UACA: variants seen among roughly 807,000 people sequenced by gnomAD.
UACA encodes nuclear membrane binding protein.
A neutral mutation model predicts 160.5 loss-of-function variants in UACA; 112 were observed. That is an observed-to-expected ratio of 0.70 (90% CI 0.60 to 0.82). The LOEUF is 0.82. Among genes scored for constraint, UACA ranks in the 40% least tolerant of loss-of-function variants. UACA has a pLI of 0.00. For missense variants in UACA, 1,574 were observed against 1,614.6 expected (o/e 0.97, Z 0.43); for synonymous variants, 557 against 568.4 (o/e 0.98, Z 0.29).
chr15:70,745,738 A>G (rs999844522), intron 1 of UACA, among the ~76,000 whole-genome samples: 3 of 152,242 alleles, frequency 2.0e-5, no homozygotes, highest in African/African-American at 7.2e-5. Flanking sequence ...TAACCAAAAT[A>G]GCACGGTACT....
At chr15:70,679,285 C>T (rs1199111183) in intron 10 of UACA, among the ~76,000 whole-genome samples, 1 of 151,938 alleles carries the variant, frequency 6.6e-6, no homozygotes, top group Non-Finnish European at 1.5e-5. Context: ...TGCCTGTAAT[C>T]CCAGCTACTA....
intron 1 of UACA, among the ~76,000 whole-genome samples, chr15:70,742,839 A>G (rs1017852158): frequency 6.6e-6 from 1 of 152,088 alleles, no homozygotes; most frequent in Admixed American, 6.6e-5. Context: ...TCAATTTTCT[A>G]TTGCCATATA....
chr15:70,766,938 G>T (rs2031022309), upstream of UACA, among the ~76,000 whole-genome samples: 1 of 152,156 alleles, frequency 6.6e-6, no homozygotes, highest in Non-Finnish European at 1.5e-5. Flanking sequence ...CTCAGAAGAA[G>T]AATAAAGAAT....
intron 13 of UACA, 116 bp from the exon 14 acceptor site, chr15:70,672,117 T>G: frequency 1.2e-6 from 1 of 828,694 alleles, no homozygotes; most frequent in Non-Finnish European, 1.8e-6. Context: ...GACATTCTTG[T>G]TTCTCCAGAG....
At chr15:70,776,820 G>A in the UACA span, among the ~76,000 whole-genome samples, 1 of 152,104 alleles carries the variant, frequency 6.6e-6, no homozygotes, top group African/African-American at 2.4e-5. Context: ...CATAGCACTG[G>A]CATACATATC....
At position 70,755,592 on chromosome 15, in the gene UACA, C is replaced by A. The variant is rs992507113; in HGVS notation, c.78+7738G>T. ...GGCTGAGGCAAGAGAATCTCTTGAA[C>A]CCGAGAGGCAGAGGTTGCAGTGGGC... is the stretch of plus-strand genomic sequence containing the variant. On this transcript the variant is annotated intron_variant, in intron 1 of 18. Transcript: ENST00000322954. Among the ~76,000 whole-genome samples, 6 of 151,776 alleles carry A rather than the reference C, an allele frequency of 4.0e-5. No individual in the cohort carries two copies. The East Asian group carries it at 9.7e-4, about 24-fold the overall frequency.
At chr15:70,739,237 C>T (rs555458478) in intron 1 of UACA, among the ~76,000 whole-genome samples, 1 of 152,204 alleles carries the variant, frequency 6.6e-6, no homozygotes, top group South Asian at 2.1e-4. Flanking sequence ...TCCTATAAGG[C>T]AGGGTTTCTC....
upstream of UACA, among the ~76,000 whole-genome samples, chr15:70,765,475 A>T (rs1451814138): frequency 6.6e-6 from 1 of 152,162 alleles, no homozygotes; most frequent in Middle Eastern, 3.2e-3. Flanking sequence ...AAGTAACTGG[A>T]AGTGATCTCT....
chr15:70,748,217 C>A (rs1447168025), intron 1 of UACA, among the ~76,000 whole-genome samples: 1 of 152,066 alleles, frequency 6.6e-6, no homozygotes, highest in East Asian at 1.9e-4. Flanking sequence ...AATTTCAATT[C>A]TTAGCTGTAA....
intron 1 of UACA, among the ~76,000 whole-genome samples, chr15:70,723,361 G>A (rs746098120): frequency 6.6e-6 from 1 of 152,126 alleles, no homozygotes; most frequent in Non-Finnish European, 1.5e-5. Context: ...GGTACACATC[G>A]GTAGTCCCAG....
At chr15:70,752,196 C>T (rs759982878) in intron 1 of UACA, among the ~76,000 whole-genome samples, 3 of 149,356 alleles carry the variant, frequency 2.0e-5, no homozygotes, top group African/African-American at 2.5e-5. Flanking sequence ...CAAGATCACG[C>T]CATTGCACTC....
the UACA span, among the ~76,000 whole-genome samples, chr15:70,773,925 A>G: frequency 2.0e-5 from 3 of 152,214 alleles, no homozygotes; most frequent in Non-Finnish European, 4.4e-5. Context: ...ATTAGCTTGT[A>G]CAGGGACTGC....
chr15:70,776,468 C>G, the UACA span, among the ~76,000 whole-genome samples: 33 of 149,758 alleles, frequency 2.2e-4, no homozygotes, highest in African/African-American at 7.7e-4. Flanking sequence ...CACTCTGTCA[C>G]CCAGGCTGGA....
chr15:70,689,518 G>A (rs1897850346), intron 5 of UACA, among the ~76,000 whole-genome samples: 1 of 151,892 alleles, frequency 6.6e-6, no homozygotes, highest in South Asian at 2.1e-4. Flanking sequence ...CATTGTGTGA[G>A]AAATTATCAT....
At chr15:70,768,264 A>ATC, upstream of UACA, 1 of 152,236 alleles carries the variant, frequency 6.6e-6, no homozygotes, top group South Asian at 2.1e-4. Context: ...TTTACCACTT[A>ATC]TCTTCCAAAG....
the UACA span, among the ~76,000 whole-genome samples, chr15:70,776,762 T>C: frequency 0.013 from 1,921 of 151,794 alleles, 42 homozygotes; most frequent in African/African-American, 0.045. Context: ...CTTTGACCTA[T>C]TCTGCCTTCC....
Position 70,669,304 on chromosome 15 carries a change from T to G in UACA, c.1380A>C (p.Arg460=). ...RTFCESAKQD[R]LKLQNELAHK... ...GTGCCAGTTCATTTTGGAGCTTCAG[T>G]CGGTCTTGTTTTGCTGACTCACAGA... Residue 460 remains arginine, a synonymous_variant, in exon 16 of 19, where the codon CGA becomes CGC. Transcript: ENST00000322954. The G allele has an allele frequency of 6.2e-7, 1 of 1,614,080 alleles. No homozygotes were observed.
intron 18 of UACA, among the ~76,000 whole-genome samples, chr15:70,657,817 C>A (rs1343322191): frequency 2.6e-5 from 4 of 151,826 alleles, no homozygotes; most frequent in African/African-American, 9.7e-5. Context: ...CATGGTGGCT[C>A]ACACCTGCAA....
At position 70,660,170 on chromosome 15, in the gene UACA, T is replaced by C; in HGVS notation, c.4160A>G (p.His1387Arg). The C allele has an allele frequency of 6.2e-7, 1 of 1,613,628 alleles. No homozygotes were observed. Among genetic ancestry groups the C allele is most frequent in the Non-Finnish European group, 8.5e-7 (1 of 1,179,662 alleles). ...HQEVIAIYRT[H>R]LLSAAQGHMD... ...CTTTACCTGTGCAGCACTAAGAAGGTGTGTCCGATAAATTGCAATTACTTC... is the reference window on the plus strand; with the variant it reads ...CTTTACCTGTGCAGCACTAAGAAGGCGTGTCCGATAAATTGCAATTACTTC... The change falls in exon 18 of 19, where the codon CAC (histidine) becomes CGC (arginine). Residue 1387 changes from histidine (H) to arginine (R), a missense_variant. Transcript: ENST00000322954.
Sources: gnomAD v4.1 joint callset for allele counts (sites outside exome capture counted in the v4.1 genomes callset) on GRCh38, gnomAD v4.1.1 for gene constraint, MANE v1.5 for transcripts, NCBI Gene and HGNC (gene_info 2026-07-23, HGNC 2026-07-21) for gene names.